The following DLGAP1 variants were observed in gnomAD, a reference collection of about 807,000 sequenced individuals.
DLGAP1 encodes the protein DLG associated protein 1, also known as disks large-associated protein 1.
DLGAP1 carries 11 observed loss-of-function variants against 90.8 expected under a neutral mutation model. The ratio of observed to expected loss-of-function variants is 0.12; its 90% CI spans 0.08 to 0.20. The LOEUF is 0.20. Ranked by LOEUF, DLGAP1 falls within the 10% of genes least tolerant of loss-of-function variation. DLGAP1 has a pLI of 1.00. For missense variants in DLGAP1, 1,050 were observed against 1,333.8 expected, an observed-to-expected ratio of 0.79 and a Z score of 3.31; for synonymous variants, 558 against 540.7, an observed-to-expected ratio of 1.03 and a Z score of -0.44.
At chr18:4,334,667 G>T (rs1438463326) in intron 1 of DLGAP1, among the ~76,000 whole-genome samples, 2 of 151,872 alleles carry the variant, frequency 1.3e-5, no homozygotes, top group Admixed American at 6.5e-5. Flanking sequence ...GCAAGAGAGA[G>T]GAGAGGTTTC....
intron 2 of DLGAP1, among the ~76,000 whole-genome samples, chr18:4,039,407 G>T (rs1310963536): frequency 6.6e-6 from 1 of 152,116 alleles, no homozygotes; most frequent in Non-Finnish European, 1.5e-5. Context: ...GATGGATGCT[G>T]GGGTAGGGTA....
At chr18:3,804,998 T>C (rs2066497447) in intron 5 of DLGAP1, among the ~76,000 whole-genome samples, 1 of 152,214 alleles carries the variant, frequency 6.6e-6, no homozygotes, top group South Asian at 2.1e-4. Context: ...GAATGGAGAC[T>C]TTCTTCTCAT....
intron 5 of DLGAP1, among the ~76,000 whole-genome samples, chr18:3,810,896 C>T (rs1361392455): frequency 6.6e-6 from 1 of 151,994 alleles, no homozygotes; most frequent in Non-Finnish European, 1.5e-5. Context: ...GCCTTGACTT[C>T]CTGGGTTCAA....
intron 7 of DLGAP1, among the ~76,000 whole-genome samples, chr18:3,667,057 C>T (rs937620551): frequency 8.6e-5 from 13 of 151,852 alleles, no homozygotes; most frequent in African/African-American, 3.1e-4. Context: ...GCCTGAGCCA[C>T]TGTGCCCGGT....
At chr18:3,774,984 G>T (rs1352003930) in intron 5 of DLGAP1, among the ~76,000 whole-genome samples, 1 of 152,046 alleles carries the variant, frequency 6.6e-6, no homozygotes, top group Non-Finnish European at 1.5e-5. Context: ...AACTCATATC[G>T]CAGGAAGAAA....
At chr18:3,784,048 A>C (rs1383194154) in intron 5 of DLGAP1, among the ~76,000 whole-genome samples, 1 of 152,188 alleles carries the variant, frequency 6.6e-6, no homozygotes, top group East Asian at 1.9e-4. Context: ...TGTGTGTCCA[A>C]CAAAAGCATA....
chr18:3,814,361 A>ATT (rs372490602), intron 4 of DLGAP1, 88 bp from the exon 5 acceptor site: 19,456 of 871,558 alleles, frequency 0.022, 17 homozygotes, highest in Non-Finnish European at 0.024. Flanking sequence ...TAACATTTCT[A>ATT]TTTTTTTTTT....
At chr18:4,128,896 G>A (rs911196582) in intron 2 of DLGAP1, among the ~76,000 whole-genome samples, 3 of 151,994 alleles carry the variant, frequency 2.0e-5, no homozygotes, top group Non-Finnish European at 2.9e-5. Context: ...GTAAACACCG[G>A]CATTTTTTTT....
chr18:4,140,880 T>G (rs2076484658), intron 2 of DLGAP1, among the ~76,000 whole-genome samples: 1 of 152,040 alleles, frequency 6.6e-6, no homozygotes, highest in African/African-American at 2.4e-5. Context: ...CTATAAGGTT[T>G]CCACTGAGAA....
chr18:3,678,134 G>T (rs1177939186), intron 7 of DLGAP1, among the ~76,000 whole-genome samples: 2 of 150,090 alleles, frequency 1.3e-5, no homozygotes, highest in East Asian at 2.0e-4. Flanking sequence ...GCTAATTTTT[G>T]TATTTTTAGT....
chr18:3,632,190 C>G (rs770387659), intron 7 of DLGAP1, among the ~76,000 whole-genome samples: 6 of 152,180 alleles, frequency 3.9e-5, no homozygotes, highest in African/African-American at 1.4e-4. Flanking sequence ...CATCAGGGAT[C>G]ATTTTTCTTC....
chr18:3,827,845 G>C (rs543309366), intron 4 of DLGAP1, among the ~76,000 whole-genome samples: 33 of 152,248 alleles, frequency 2.2e-4, no homozygotes, highest in Admixed American at 2.0e-3. Context: ...TGCTACCATT[G>C]CTTAGAAAAG....
chr18:3,715,416 G>A (rs527463690), intron 7 of DLGAP1, among the ~76,000 whole-genome samples: 1 of 152,326 alleles, frequency 6.6e-6, no homozygotes, highest in South Asian at 2.1e-4. Flanking sequence ...GCTGCACTGA[G>A]GTGTACAGGT....
intron 5 of DLGAP1, among the ~76,000 whole-genome samples, chr18:3,800,551 G>A (rs1408157213): frequency 6.6e-6 from 1 of 152,146 alleles, no homozygotes; most frequent in Non-Finnish European, 1.5e-5. Flanking sequence ...TATGTATAAA[G>A]AAAGTTTAGA....
chr18:3,608,138 C>T (rs1007600347), intron 7 of DLGAP1: 1 of 152,176 alleles, frequency 6.6e-6, no homozygotes, highest in African/African-American at 2.4e-5. Context: ...GCCTGACCAA[C>T]ATGGAGAAGC....
At chr18:3,539,427 C>A (rs886346309) in intron 9 of DLGAP1, among the ~76,000 whole-genome samples, 1 of 152,194 alleles carries the variant, frequency 6.6e-6, no homozygotes, top group Non-Finnish European at 1.5e-5. Context: ...GGCCAATATT[C>A]TGGCCCAAGA....
intron 10 of DLGAP1, among the ~76,000 whole-genome samples, chr18:3,528,482 G>A (rs1044927157): frequency 5.3e-5 from 8 of 152,218 alleles, no homozygotes; most frequent in African/African-American, 4.8e-5. Context: ...AAGGAGGACA[G>A]TGCCAGGCAA....
intron 1 of DLGAP1, among the ~76,000 whole-genome samples, chr18:4,421,916 G>A (rs1180532944): frequency 2.0e-5 from 3 of 152,000 alleles, no homozygotes; most frequent in Admixed American, 6.6e-5. Context: ...ATTTCACCAC[G>A]TTGGCCAGGC....
intron 3 of DLGAP1, among the ~76,000 whole-genome samples, chr18:3,940,691 G>A (rs771818170): frequency 2.0e-5 from 3 of 152,220 alleles, no homozygotes; most frequent in African/African-American, 4.8e-5. Context: ...GCAGATAACC[G>A]TAGAAGCATC....
Sources: gnomAD v4.1 joint callset for allele counts (sites outside exome capture counted in the v4.1 genomes callset) on GRCh38, gnomAD v4.1.1 for gene constraint, MANE v1.5 for transcripts, NCBI Gene and HGNC (gene_info 2026-07-23, HGNC 2026-07-21) for gene names.